The following FRYL variants were observed in gnomAD, a reference collection of about 807,000 sequenced individuals.
FRYL encodes FRY like transcription coactivator.
FRYL carries 150 observed loss-of-function variants against 351.2 expected under a neutral mutation model. The ratio of observed to expected loss-of-function variants is 0.43; its 90% CI spans 0.37 to 0.49. The LOEUF is 0.49. FRYL is among the 20% of genes least tolerant of loss of function. FRYL has a pLI of 0.00. For missense variants in FRYL, 3,036 were observed against 3,619.3 expected (o/e 0.84, Z 4.13); for synonymous variants, 1,153 against 1,257.1 (o/e 0.92, Z 1.75).
intron 33 of FRYL, among the ~76,000 whole-genome samples, chr4:48,559,528 C>CAA (rs67320603): frequency 0.88 from 9,109 of 10,376 alleles, 4,190 homozygotes; most frequent in South Asian, 0.94. Flanking sequence ...CCTCTCTCTC[C>CAA]AAAAAAAAAA....
chr4:48,780,203 C>G lies in FRYL; in HGVS notation c.-509G>C, dbSNP rs1183064499. The G allele has an allele frequency of 1.3e-5, 2 of 152,802 alleles. No homozygotes were observed. Among genetic ancestry groups the G allele is most frequent in the East Asian group, 1.9e-4 (1 of 5,190 alleles). The allele number at this position is 152,802 out of a possible 1,614,324, so 9.5% of individuals were successfully genotyped here. On this transcript the variant is annotated 5_prime_UTR_variant, in exon 1 of 64. Coordinates refer to ENST00000358350, the MANE Select transcript of FRYL (RefSeq NM_015030.2). ...AAGGAATAATCCGATCGGAACCGAT[C>G]TGTGGTTAAACCTCCCTCCGACTCT...
chr4:48,778,633 G>A (rs1271119247), intron 1 of FRYL, among the ~76,000 whole-genome samples: 3 of 152,204 alleles, frequency 2.0e-5, no homozygotes, highest in East Asian at 1.9e-4. Context: ...TGATTTCCTC[G>A]GCAAGTATTG....
chr4:48,699,947 T>C (rs1051173569), intron 2 of FRYL, among the ~76,000 whole-genome samples: 1 of 152,270 alleles, frequency 6.6e-6, no homozygotes. Flanking sequence ...AGAATATTTA[T>C]TAGAGTAAAG....
At chr4:48,653,203 T>C (rs1268396476) in intron 3 of FRYL, among the ~76,000 whole-genome samples, 2 of 152,222 alleles carry the variant, frequency 1.3e-5, no homozygotes, top group African/African-American at 4.8e-5. Context: ...GAATGTTATT[T>C]ATAAGAAAAT....
Position 48,585,537 on chromosome 4 carries a change from T to G in FRYL, c.1748+1084A>C, listed in dbSNP as rs548099302. On this transcript the variant is annotated intron_variant, in intron 19 of 63. Transcript: ENST00000358350. ...GTCAAATATTGCTGCTCTGCTATAG[T>G]CATTGTATTTGTTTTTTTCATCTAG... Among the ~76,000 whole-genome samples the G allele has an allele frequency of 3.9e-5, 6 of 152,374 alleles. No individual in the cohort carries two copies. In the South Asian group the frequency reaches 1.0e-3, roughly 26 times the overall value.
intron 4 of FRYL, among the ~76,000 whole-genome samples, chr4:48,633,615 C>T (rs1298509407): frequency 1.3e-5 from 2 of 152,164 alleles, no homozygotes; most frequent in Non-Finnish European, 2.9e-5. Context: ...TACTAACACT[C>T]CAGAGCATCT....
chr4:48,515,412 G>A lies in FRYL; in HGVS notation c.7690-137C>T, dbSNP rs564813363. 332 of 660,352 alleles carry A rather than the reference G, an allele frequency of 5.0e-4. 1 individual carries two copies. The highest frequency in any genetic ancestry group is 2.1e-3 in the Middle Eastern group (5 of 2,354). The allele number at this position is 660,352 out of a possible 1,614,324, so 40.9% of individuals were successfully genotyped here. On this transcript the variant is annotated intron_variant, in intron 55 of 63. Transcript: ENST00000358350. The stretch of plus-strand genomic sequence containing the variant: ...TTTATACAGTCTGTCACCCAGGCTG[G>A]AGTGGAGTGCAATGGCGTGATCTTG...
intron 2 of FRYL, among the ~76,000 whole-genome samples, chr4:48,697,866 G>A (rs554843468): frequency 7.2e-5 from 11 of 152,226 alleles, no homozygotes; most frequent in South Asian, 2.1e-4. Context: ...TAATGATGAG[G>A]ATAGTACAGA....
chr4:48,734,340 C>T (rs1005367034), intron 1 of FRYL, among the ~76,000 whole-genome samples: 14 of 152,042 alleles, frequency 9.2e-5, no homozygotes, highest in African/African-American at 3.1e-4. Context: ...TGATAAATGG[C>T]CAATTATCCA....
chr4:48,510,494 G>T (rs1722241425), intron 58 of FRYL, among the ~76,000 whole-genome samples: 1 of 152,006 alleles, frequency 6.6e-6, no homozygotes, highest in Non-Finnish European at 1.5e-5. Context: ...AAATAAATCA[G>T]GAAATGAACC....
intron 1 of FRYL, among the ~76,000 whole-genome samples, chr4:48,746,143 A>G (rs920286665): frequency 3.4e-4 from 52 of 152,296 alleles, no homozygotes; most frequent in African/African-American, 1.1e-3. Flanking sequence ...AGGCACATAC[A>G]TTTGCATTTC....
At chr4:48,530,306 C>A (rs1219100066) in intron 50 of FRYL, among the ~76,000 whole-genome samples, 2 of 152,054 alleles carry the variant, frequency 1.3e-5, no homozygotes, top group Admixed American at 6.6e-5. Context: ...CAGTTACTTC[C>A]TTGGTCTTTT....
chr4:48,566,996 T>G (rs1443342699), intron 28 of FRYL, among the ~76,000 whole-genome samples: 1 of 152,222 alleles, frequency 6.6e-6, no homozygotes, highest in Admixed American at 6.5e-5. Flanking sequence ...GAGCTTATTC[T>G]ATTGATTTCT....
chr4:48,617,138 G>A lies in FRYL; in HGVS notation c.411+2136C>T, dbSNP rs1055258616. Among the ~76,000 whole-genome samples, 17 of 152,120 alleles carry A rather than the reference G, an allele frequency of 1.1e-4. 3 individuals are homozygous for A. The highest frequency in any genetic ancestry group is 2.1e-4 in the South Asian group (1 of 4,820). ...TTTTGATGAGTGCATTTAAATTAGC[G>A]TATGGGGATAATAGTAACAGAGGGG... On this transcript the variant is annotated intron_variant, in intron 7 of 63. Coordinates refer to ENST00000358350, the MANE Select transcript of FRYL (RefSeq NM_015030.2).
At chr4:48,735,878 A>G (rs1398368309) in intron 1 of FRYL, among the ~76,000 whole-genome samples, 1 of 111,854 alleles carries the variant, frequency 8.9e-6, no homozygotes, top group Non-Finnish European at 1.8e-5. Flanking sequence ...GCTAGATGAC[A>G]CATTAGTGGG....
chr4:48,602,575 A>G (rs1745927060), intron 12 of FRYL, among the ~76,000 whole-genome samples: 1 of 152,200 alleles, frequency 6.6e-6, no homozygotes, highest in Admixed American at 6.5e-5. Flanking sequence ...AAAGTAAGAA[A>G]AAAAAAAGTA....
At position 48,724,372 on chromosome 4, in the gene FRYL, T is replaced by C. The variant is rs751353416; in HGVS notation, c.-383-13674A>G. On this transcript the variant is annotated intron_variant, in intron 1 of 63. Coordinates refer to ENST00000358350, the MANE Select transcript of FRYL (RefSeq NM_015030.2). The stretch of plus-strand genomic sequence containing the variant: ...TGCTAACCCCTCTGCCTGGAAAGCT[T>C]TTCCCCTGGGCATGGCTTGCTCCCT... Among the ~76,000 whole-genome samples the C allele has an allele frequency of 3.9e-5, 6 of 152,122 alleles. No homozygotes were observed. The East Asian group carries it at 5.8e-4, about 15-fold the overall frequency.
Position 48,553,207 on chromosome 4 carries a change from T to C in FRYL, c.4435+8A>G, listed in dbSNP as rs778183195. 6.2e-7 allele frequency: 1 copy of C among 1,607,200 alleles called. No homozygotes were observed. The highest frequency in any genetic ancestry group is 8.5e-7 in the Non-Finnish European group (1 of 1,176,540). ...TCACACAGCAATCGGTTTTAACAAATTTCTCACCTGAGGTGACAGAAGGGA... is the reference window on the plus strand; with the variant it reads ...TCACACAGCAATCGGTTTTAACAAACTTCTCACCTGAGGTGACAGAAGGGA... On this transcript the variant is annotated splice_region_variant and intron_variant, in intron 36 of 63. Coordinates refer to ENST00000358350, the MANE Select transcript of FRYL (RefSeq NM_015030.2).
At chr4:48,530,922 A>G (rs1273395852) in intron 50 of FRYL, among the ~76,000 whole-genome samples, 1 of 152,122 alleles carries the variant, frequency 6.6e-6, no homozygotes, top group African/African-American at 2.4e-5. Context: ...CACTGTTGGG[A>G]AGCTAAGTTG....
Sources: gnomAD v4.1 joint callset for allele counts (sites outside exome capture counted in the v4.1 genomes callset) on GRCh38, gnomAD v4.1.1 for gene constraint, MANE v1.5 for transcripts, NCBI Gene and HGNC (gene_info 2026-07-23, HGNC 2026-07-21) for gene names.